DLG2: variants seen among roughly 807,000 people sequenced by gnomAD.
DLG2 encodes the protein discs large MAGUK scaffold protein 2.
A neutral mutation model predicts 132.5 loss-of-function variants in DLG2; 45 were observed. The ratio of observed to expected loss-of-function variants is 0.34; its 90% confidence interval spans 0.27 to 0.44. The LOEUF is 0.44. DLG2 is among the 20% of genes least tolerant of loss of function. DLG2 has a pLI of 1.00. For synonymous variants in DLG2, 424 were observed against 419.6 expected (o/e 1.01, Z -0.13); for missense variants, 1,045 against 1,196.9 (o/e 0.87, Z 1.87).
At chr11:85,005,918 G>C (rs2058618228) in intron 6 of DLG2, among the ~76,000 whole-genome samples, 1 of 152,186 alleles carries the variant, frequency 6.6e-6, no homozygotes, top group African/African-American at 2.4e-5. Context: ...AGTTCATTGA[G>C]AGTTTTTAGC....
chr11:84,511,062 T>G (rs939473940), intron 7 of DLG2, among the ~76,000 whole-genome samples: 11 of 152,148 alleles, frequency 7.2e-5, no homozygotes, highest in African/African-American at 2.7e-4. Context: ...AAAATATATC[T>G]GTTCCTGAGA....
chr11:84,873,000 C>T (rs1169385790), intron 6 of DLG2, among the ~76,000 whole-genome samples: 1 of 152,188 alleles, frequency 6.6e-6, no homozygotes, highest in East Asian at 1.9e-4. Context: ...GGAATTGTTA[C>T]ATCTATTTCA....
intron 6 of DLG2, among the ~76,000 whole-genome samples, chr11:84,865,001 T>A (rs2084328615): frequency 6.6e-6 from 1 of 152,150 alleles, no homozygotes; most frequent in African/African-American, 2.4e-5. Flanking sequence ...ATACACTACA[T>A]TAGGCATATA....
At chr11:83,993,739 G>A (rs1332823341) in intron 11 of DLG2, among the ~76,000 whole-genome samples, 1 of 152,144 alleles carries the variant, frequency 6.6e-6, no homozygotes, top group African/African-American at 2.4e-5. Flanking sequence ...TGTCTATGCA[G>A]TTTTTCCAAG....
chr11:84,875,514 C>T (rs968755493), intron 6 of DLG2, among the ~76,000 whole-genome samples: 1 of 150,246 alleles, frequency 6.7e-6, no homozygotes, highest in African/African-American at 2.5e-5. Context: ...AAAAAAAAAA[C>T]TCCACTGATG....
intron 7 of DLG2, among the ~76,000 whole-genome samples, chr11:84,394,853 C>T (rs764892958): frequency 7.2e-5 from 11 of 152,134 alleles, no homozygotes; most frequent in Non-Finnish European, 8.8e-5. Flanking sequence ...AACTCCTGAC[C>T]TCGTGATCCA....
intron 4 of DLG2, among the ~76,000 whole-genome samples, chr11:85,238,888 C>T (rs1014341468): frequency 6.6e-6 from 1 of 151,406 alleles, no homozygotes; most frequent in Admixed American, 6.6e-5. Context: ...CTTGCAGTGG[C>T]TTTGCAACGT....
rs1310958129 is a variant in DLG2 at position 85,285,309 on chromosome 11, T to C, written c.97A>G (p.Lys33Glu). 6.2e-7 allele frequency: 1 copy of C among 1,612,094 alleles called. No homozygotes were observed. Among genetic ancestry groups the C allele is most frequent in the South Asian group, 1.1e-5 (1 of 91,010 alleles). The change falls in exon 4 of 28, where the codon AAG (lysine) becomes GAG (glutamate). Residue 33 changes from lysine to glutamate, a missense_variant. Lys to Glu is a moderately conservative substitution (Grantham distance 56). Transcript: ENST00000376104. ...LLNSQKSCEQ[K>E]IEEANQVLQK... Reference sequence around the variant, plus strand: ...AAAACTTGATTGGCTTCTTCTATCTTCTGCTCACAACTTTTTTGAGAATTT... The same window carrying C: ...AAAACTTGATTGGCTTCTTCTATCTCCTGCTCACAACTTTTTTGAGAATTT...
chr11:84,899,316 A>G (rs556515873), intron 6 of DLG2, among the ~76,000 whole-genome samples: 1 of 152,206 alleles, frequency 6.6e-6, no homozygotes, highest in Non-Finnish European at 1.5e-5. Context: ...TGACCTAAAG[A>G]AAATCTAATT....
chr11:84,420,645 G>GTTTTTTTTTTTTT (rs1567588759), intron 7 of DLG2, among the ~76,000 whole-genome samples: 1 of 48,916 alleles, frequency 2.0e-5, no homozygotes, highest in African/African-American at 5.0e-5. Context: ...ACCAATGCTT[G>GTTTTTTTTTTTTT]TTTTCTTTTT....
intron 3 of DLG2, among the ~76,000 whole-genome samples, chr11:85,505,571 A>T (rs2093911106): frequency 6.6e-6 from 1 of 152,158 alleles, no homozygotes; most frequent in African/African-American, 2.4e-5. Flanking sequence ...GCTGAAGCCG[A>T]CTTGATGGTG....
At position 84,476,367 on chromosome 11, in the gene DLG2, CAA is replaced by C. The variant is rs2099121751; in HGVS notation, c.519+58201_519+58202del. On this transcript the variant is annotated intron_variant, in intron 7 of 27. Transcript: ENST00000376104. ...CAAAATAGACTGCATTTTTTCAAAA[CAA>C]ATATTTCATAATTTTCCTCTTTTAA... is the stretch of plus-strand genomic sequence containing the variant. Among the ~76,000 whole-genome samples the C allele has an allele frequency of 2.0e-5, 3 of 152,156 alleles. No homozygotes were observed. The South Asian group carries it at 6.2e-4, about 32-fold the overall frequency.
At chr11:85,053,344 A>G (rs565676053) in intron 6 of DLG2, among the ~76,000 whole-genome samples, 1 of 152,270 alleles carries the variant, frequency 6.6e-6, no homozygotes, top group Admixed American at 6.5e-5. Flanking sequence ...CCTCTCTGAG[A>G]CTAATTTGTG....
At chr11:84,103,933 A>G (rs1238699878) in intron 9 of DLG2, among the ~76,000 whole-genome samples, 1 of 152,138 alleles carries the variant, frequency 6.6e-6, no homozygotes. Context: ...ACTTTAAAAT[A>G]CTGTTTGACC....
chr11:85,509,335 G>C (rs1362557295), intron 3 of DLG2, among the ~76,000 whole-genome samples: 1 of 151,978 alleles, frequency 6.6e-6, no homozygotes, highest in Non-Finnish European at 1.5e-5. Context: ...TCTCATAAAA[G>C]CTATTTCTTA....
At chr11:83,711,840 A>G (rs1592907680) in intron 18 of DLG2, among the ~76,000 whole-genome samples, 1 of 71,284 alleles carries the variant, frequency 1.4e-5, no homozygotes, top group Non-Finnish European at 2.6e-5. Flanking sequence ...TTTAGACTCT[A>G]CTTGGTGAAG....
chr11:84,153,666 C>T (rs1184574793), intron 9 of DLG2, among the ~76,000 whole-genome samples: 1 of 152,174 alleles, frequency 6.6e-6, no homozygotes, highest in Non-Finnish European at 1.5e-5. Context: ...TATGAAATTC[C>T]TGTAGTGAAT....
rs1041964487 is a variant in DLG2 at position 84,171,157 on chromosome 11, C to T, written c.574-7646G>A. On this transcript the variant is annotated intron_variant, in intron 8 of 27. Coordinates refer to ENST00000376104, the MANE Select transcript of DLG2 (RefSeq NM_001142699.3). The stretch of plus-strand genomic sequence containing the variant: ...CTGTTTCTCTCTAAAAAGGAAAAAA[C>T]GTAAGAAAGTTTTGCTCTACTTCAA... 7.9e-5 allele frequency among the ~76,000 whole-genome samples: 12 copies of T among 151,936 alleles called. No homozygotes were observed. In the South Asian group the frequency reaches 8.3e-4, roughly 11 times the overall value.
intron 16 of DLG2, among the ~76,000 whole-genome samples, chr11:83,846,940 CCAAAAAAA>C (rs1193872332): frequency 5.2e-5 from 3 of 58,154 alleles, no homozygotes; most frequent in Non-Finnish European, 3.8e-5. Context: ...ATCTCCCAAG[CCAAAAAAA>C]AAAAAAAAAA....
Sources: gnomAD v4.1 joint callset for allele counts (sites outside exome capture counted in the v4.1 genomes callset) on GRCh38, gnomAD v4.1.1 for gene constraint, MANE v1.5 for transcripts, NCBI Gene and HGNC (gene_info 2026-07-23, HGNC 2026-07-21) for gene names.